The following MYO7A variants were observed in gnomAD, a reference collection of about 807,000 sequenced individuals.
MYO7A encodes unconventional myosin-VIIa.
Under a neutral mutation model 263.8 loss-of-function variants are expected in MYO7A, and 210 were observed. The ratio of observed to expected loss-of-function variants is 0.80; its 90% CI spans 0.71 to 0.89. The LOEUF is 0.89. Ranked by LOEUF, MYO7A falls within the 40% of genes least tolerant of loss-of-function variation. The probability of loss-of-function intolerance (pLI) is 0.00; values close to 1 mark genes in which losing one functional copy is unlikely to be tolerated. For missense variants in MYO7A, 2,820 were observed against 2,968.3 expected (o/e 0.95, Z 1.16); for synonymous variants, 1,239 against 1,197.3 (o/e 1.03, Z -0.72).
intron 31 of MYO7A, 109 bp from the exon 32 acceptor site, chr11:77,194,243 TGA>T (rs1021492958): frequency 1.5e-6 from 2 of 1,295,390 alleles, no homozygotes; most frequent in Non-Finnish European, 2.2e-6. Context: ...GGCCAGGCTC[TGA>T]GAGCTACAGG....
chr11:77,182,418 C>T lies in MYO7A; in HGVS notation c.3109-6C>T. ...TCTGGCCTCTGACATGCGCGCTCTGCCCCAGGCAGCCCTGGCGGTCTGGAT... is the reference window on the plus strand; with the variant it reads ...TCTGGCCTCTGACATGCGCGCTCTGTCCCAGGCAGCCCTGGCGGTCTGGAT... On this transcript the variant is annotated splice_region_variant and splice_polypyrimidine_tract_variant and intron_variant, in intron 24 of 48. Coordinates refer to ENST00000409709, the MANE Select transcript of MYO7A (RefSeq NM_000260.4). 6.2e-7 allele frequency: 1 copy of T among 1,600,878 alleles called. No individual in the cohort carries two copies.
intron 15 of MYO7A, among the ~76,000 whole-genome samples, chr11:77,170,102 A>G (rs1483289478): frequency 6.6e-6 from 1 of 152,180 alleles, no homozygotes; most frequent in Non-Finnish European, 1.5e-5. Context: ...GAAAGCCAAT[A>G]AATAAGTAAA....
intron 18 of MYO7A, among the ~76,000 whole-genome samples, chr11:77,176,775 T>C (rs868937560): frequency 1.3e-5 from 2 of 152,206 alleles, no homozygotes; most frequent in Admixed American, 1.3e-4. Context: ...GGCTCCCTCA[T>C]GAGACTCTAC....
intron 18 of MYO7A, among the ~76,000 whole-genome samples, chr11:77,176,780 C>G (rs1270754430): frequency 6.6e-6 from 1 of 152,202 alleles, no homozygotes; most frequent in Non-Finnish European, 1.5e-5. Flanking sequence ...CCTCATGAGA[C>G]TCTACCCTCC....
chr11:77,167,307 G>A (rs1310791009), intron 15 of MYO7A, among the ~76,000 whole-genome samples: 3 of 152,148 alleles, frequency 2.0e-5, no homozygotes, highest in Non-Finnish European at 4.4e-5. Context: ...AGGCCCCTTG[G>A]AGGCGTCAAT....
chr11:77,134,020 C>G (rs1950843256), intron 2 of MYO7A, among the ~76,000 whole-genome samples: 1 of 151,136 alleles, frequency 6.6e-6, no homozygotes, highest in Non-Finnish European at 1.5e-5. Flanking sequence ...ACCTCTGCCT[C>G]CTGGGTTCAA....
intron 37 of MYO7A, 79 bp downstream of exon 37, chr11:77,202,503 G>T (rs748970129): frequency 1.5e-4 from 225 of 1,500,486 alleles, no homozygotes; most frequent in Middle Eastern, 2.3e-4. Flanking sequence ...GTGTGCTGGG[G>T]CTGCTTTGTG....
At chr11:77,170,964 G>T (rs1555075554) in intron 15 of MYO7A, among the ~76,000 whole-genome samples, 1 of 152,206 alleles carries the variant, frequency 6.6e-6, no homozygotes, top group African/African-American at 2.4e-5. Flanking sequence ...CAATTTCTGT[G>T]AACCCATGGA....
chr11:77,212,101 C>A, intron 46 of MYO7A, 164 bp downstream of exon 46: 2 of 711,134 alleles, frequency 2.8e-6, no homozygotes, highest in Non-Finnish European at 5.1e-6. Context: ...AGCGTCTTAG[C>A]TGGGGTAAGT....
intron 1 of MYO7A, among the ~76,000 whole-genome samples, chr11:77,129,996 T>C (rs1950723330): frequency 6.6e-6 from 1 of 150,928 alleles, no homozygotes; most frequent in African/African-American, 2.4e-5. Context: ...CAGGCCCAGG[T>C]GCGGTGCATT....
rs782313585 is a variant in MYO7A at position 77,162,321 on chromosome 11, G to T, written c.1545G>T (p.Lys515Asn). 31 of 1,551,472 alleles carry T rather than the reference G, an allele frequency of 2.0e-5. No homozygotes were observed. The highest frequency in any genetic ancestry group is 2.5e-5 in the Non-Finnish European group (29 of 1,147,050). Reference protein sequence around the residue: ...NIISLIDEESKFPKGTDTTML... With the variant: ...NIISLIDEESNFPKGTDTTML... ...TCTCCCTCATCGATGAGGAGAGCAA[G>T]TTCCCCAAGGTGGGCCGGTCCTGCT... is the stretch of plus-strand genomic sequence containing the variant. The change falls in exon 13 of 49, where the codon AAG becomes AAT. Residue 515 changes from lysine (K) to asparagine (N), a missense_variant. Physicochemically the swap from Lys to Asn is moderately conservative, Grantham distance 94 (BLOSUM62 0). Transcript: ENST00000409709.
chr11:77,186,893 C>G (rs1555088760), intron 27 of MYO7A, among the ~76,000 whole-genome samples: 1 of 152,192 alleles, frequency 6.6e-6, no homozygotes, highest in Admixed American at 6.5e-5. Context: ...CCTCTCTAAT[C>G]ATTTCTAGCT....
intron 19 of MYO7A, 56 bp from the exon 20 acceptor site, chr11:77,178,989 C>T (rs1246288909): frequency 9.6e-6 from 14 of 1,464,488 alleles, no homozygotes; most frequent in African/African-American, 7.0e-5. Context: ...CCCAAACCCA[C>T]CTGTACCCTG....
rs143033846 is a variant in MYO7A at position 77,173,082 on chromosome 11, CG to C, written c.1935+203del. On this transcript the variant is annotated intron_variant, in intron 16 of 48. Transcript: ENST00000409709. ...TGCCTTGGAAAGAGCCTAGACTCTG[CG>C]GGGGGTTGCAGCAGGTTCAGATCCT... 0.058 allele frequency among the ~76,000 whole-genome samples: 8,804 copies of C among 152,262 alleles called. 337 individuals are homozygous for C. The highest frequency in any genetic ancestry group is 0.1 in the East Asian group (518 of 5,170).
chr11:77,133,185 G>A (rs1423765010), intron 2 of MYO7A, among the ~76,000 whole-genome samples: 5 of 152,134 alleles, frequency 3.3e-5, no homozygotes, highest in African/African-American at 1.2e-4. Flanking sequence ...AAGGCCATGA[G>A]ACAGCTGCAG....
At chr11:77,160,756 C>G (rs1265442007) in intron 11 of MYO7A, among the ~76,000 whole-genome samples, 1 of 152,144 alleles carries the variant, frequency 6.6e-6, no homozygotes, top group Non-Finnish European at 1.5e-5. Context: ...CCAAGAGGAG[C>G]TGTTATCTCA....
chr11:77,189,700 G>A (rs889029660), intron 28 of MYO7A, among the ~76,000 whole-genome samples: 3 of 152,218 alleles, frequency 2.0e-5, no homozygotes, highest in South Asian at 2.1e-4. Context: ...TGACAGGAGC[G>A]TGTCCCAGGC....
intron 22 of MYO7A, 82 bp downstream of exon 22, chr11:77,180,563 C>A: frequency 1.6e-6 from 2 of 1,218,034 alleles, no homozygotes; most frequent in Non-Finnish European, 2.3e-6. Context: ...ATCTGTCACC[C>A]GGTGCTGCAG....
chr11:77,174,620 C>A, intron 16 of MYO7A, 136 bp from the exon 17 acceptor site: 2 of 833,174 alleles, frequency 2.4e-6, no homozygotes, highest in South Asian at 1.7e-5. Context: ...GATCCCGGTG[C>A]CTGTCCCAGC....
Sources: gnomAD v4.1 joint callset for allele counts (sites outside exome capture counted in the v4.1 genomes callset) on GRCh38, gnomAD v4.1.1 for gene constraint, MANE v1.5 for transcripts, NCBI Gene and HGNC (gene_info 2026-07-23, HGNC 2026-07-21) for gene names.